The following NCKAP5 variants were observed in gnomAD, a reference collection of about 807,000 sequenced individuals.
The protein encoded by NCKAP5 is nck-associated protein 5.
A neutral mutation model predicts 167.0 loss-of-function variants in NCKAP5; 92 were observed. That is an observed-to-expected ratio of 0.55 (90% CI 0.47 to 0.66). The LOEUF is 0.66. NCKAP5 is among the 30% of genes least tolerant of loss of function. NCKAP5 has a pLI of 0.00. For synonymous variants in NCKAP5, 891 were observed against 877.4 expected (o/e 1.02, Z -0.27); for missense variants, 2,378 against 2,315.0 (o/e 1.03, Z -0.56).
At chr2:133,423,184 A>G (rs928717916) in intron 3 of NCKAP5, among the ~76,000 whole-genome samples, 3 of 152,190 alleles carry the variant, frequency 2.0e-5, no homozygotes, top group African/African-American at 7.2e-5. Context: ...ATTTTACTAC[A>G]AGGTATTTAG....
intron 19 of NCKAP5, among the ~76,000 whole-genome samples, chr2:132,674,255 T>A (rs1237195510): frequency 6.6e-6 from 1 of 152,186 alleles, no homozygotes; most frequent in Non-Finnish European, 1.5e-5. Context: ...AAGCATCCAC[T>A]AGGTAAAAGA....
intron 19 of NCKAP5, among the ~76,000 whole-genome samples, chr2:132,717,857 A>T (rs1321073149): frequency 6.6e-6 from 1 of 152,194 alleles, no homozygotes; most frequent in Non-Finnish European, 1.5e-5. Context: ...AAAGCTTTGC[A>T]TATTTTACCT....
chr2:132,794,759 C>T (rs915920431), intron 12 of NCKAP5, among the ~76,000 whole-genome samples: 4 of 151,922 alleles, frequency 2.6e-5, no homozygotes, highest in African/African-American at 7.3e-5. Flanking sequence ...TTTTACACTT[C>T]CTGATATCCT....
intron 8 of NCKAP5, among the ~76,000 whole-genome samples, chr2:132,919,709 A>G (rs1184606201): frequency 6.6e-6 from 1 of 152,186 alleles, no homozygotes; most frequent in Non-Finnish European, 1.5e-5. Context: ...AAGCAAAAAA[A>G]GAAAAAAATG....
rs1683484338 is a variant in NCKAP5 at position 132,785,440 on chromosome 2, C to A, written c.1371G>T (p.Leu457=). The A allele has an allele frequency of 6.2e-7, 1 of 1,613,672 alleles. No homozygotes were observed. The highest frequency in any genetic ancestry group is 1.3e-5 in the African/African-American group (1 of 74,918). The part of the protein sequence containing the change: ...KEYPPCKTAD[L]GSPCKEPHKT... Reference sequence around the variant, plus strand: ...TGTGGGGTTCCTTGCAGGGGCTCCCCAGGTCAGCTGTTTTGCAGGGGGGAT... The same window carrying A: ...TGTGGGGTTCCTTGCAGGGGCTCCCAAGGTCAGCTGTTTTGCAGGGGGGAT... The change falls in exon 14 of 20, where the codon CTG becomes CTT. Residue 457 remains leucine (L), a synonymous_variant. Coordinates refer to ENST00000409261, the MANE Select transcript of NCKAP5 (RefSeq NM_207363.3).
At chr2:133,473,842 A>G (rs1559511470) in intron 3 of NCKAP5, among the ~76,000 whole-genome samples, 1 of 152,296 alleles carries the variant, frequency 6.6e-6, no homozygotes, top group East Asian at 1.9e-4. Context: ...GTTACTACAG[A>G]GCTACAAATT....
chr2:133,031,355 G>A (rs2078873141), intron 6 of NCKAP5, among the ~76,000 whole-genome samples: 1 of 152,130 alleles, frequency 6.6e-6, no homozygotes, highest in South Asian at 2.1e-4. Flanking sequence ...AGAGCAGAAA[G>A]GAAAACCGGA....
At chr2:133,584,352 G>A in the NCKAP5 span, among the ~76,000 whole-genome samples, 1 of 152,354 alleles carries the variant, frequency 6.6e-6, no homozygotes, top group East Asian at 1.9e-4. Context: ...TGTATCCTGA[G>A]AGGCAGTGCC....
At chr2:133,135,209 C>A (rs2082746705) in intron 5 of NCKAP5, among the ~76,000 whole-genome samples, 1 of 152,200 alleles carries the variant, frequency 6.6e-6, no homozygotes, top group South Asian at 2.1e-4. Flanking sequence ...CAGGGAAAGG[C>A]CTCTGAGGAA....
At chr2:133,189,712 AG>A (rs1411747820) in intron 5 of NCKAP5, among the ~76,000 whole-genome samples, 1 of 152,174 alleles carries the variant, frequency 6.6e-6, no homozygotes, top group South Asian at 2.1e-4. Flanking sequence ...GATGCAGAAA[AG>A]GCCTTTGACA....
At chr2:133,296,535 G>A (rs1679973343) in intron 4 of NCKAP5, among the ~76,000 whole-genome samples, 1 of 152,114 alleles carries the variant, frequency 6.6e-6, no homozygotes, top group African/African-American at 2.4e-5. Context: ...TCTACTCATA[G>A]GTTCTTTGAA....
At chr2:133,235,736 C>G (rs945332859) in intron 4 of NCKAP5, among the ~76,000 whole-genome samples, 1 of 151,906 alleles carries the variant, frequency 6.6e-6, no homozygotes, top group Non-Finnish European at 1.5e-5. Flanking sequence ...GGAACCCCAT[C>G]AGTACTAAAA....
At chr2:132,991,578 C>A (rs992748879) in intron 7 of NCKAP5, among the ~76,000 whole-genome samples, 1 of 152,170 alleles carries the variant, frequency 6.6e-6, no homozygotes, top group African/African-American at 2.4e-5. Context: ...TTAATGCATG[C>A]AAAGCAATTA....
intron 3 of NCKAP5, among the ~76,000 whole-genome samples, chr2:133,470,510 A>T (rs1465288834): frequency 1.3e-5 from 2 of 152,340 alleles, no homozygotes; most frequent in Middle Eastern, 3.4e-3. Context: ...AGAGGCAGGC[A>T]GGCCTCCTTG....
At chr2:133,500,862 G>C (rs1311484962) in intron 3 of NCKAP5, among the ~76,000 whole-genome samples, 11 of 152,116 alleles carry the variant, frequency 7.2e-5, no homozygotes, top group Admixed American at 5.2e-4. Flanking sequence ...TTCCATCATA[G>C]ACATTTCCAT....
intron 3 of NCKAP5, among the ~76,000 whole-genome samples, chr2:133,375,797 G>A (rs78977721): frequency 0.07 from 10,667 of 152,274 alleles, 473 homozygotes; most frequent in East Asian, 0.19. Context: ...TGGCTGCATA[G>A]TATTCCACGG....
At chr2:133,626,088 G>C in the NCKAP5 span, among the ~76,000 whole-genome samples, 1 of 152,148 alleles carries the variant, frequency 6.6e-6, no homozygotes, top group African/African-American at 2.4e-5. Context: ...CAGTGAATGA[G>C]AGAAAGCCTC....
chr2:133,607,127 T>G, the NCKAP5 span, among the ~76,000 whole-genome samples: 1 of 152,354 alleles, frequency 6.6e-6, no homozygotes, highest in East Asian at 1.9e-4. Context: ...ATTACATCAG[T>G]ATGTGTACCA....
At chr2:133,666,604 T>G in the NCKAP5 span, among the ~76,000 whole-genome samples, 1 of 152,104 alleles carries the variant, frequency 6.6e-6, no homozygotes, top group Non-Finnish European at 1.5e-5. Context: ...TAGTTTTTTA[T>G]GTTTTACCAT....
Sources: gnomAD v4.1 joint callset for allele counts (sites outside exome capture counted in the v4.1 genomes callset) on GRCh38, gnomAD v4.1.1 for gene constraint, MANE v1.5 for transcripts, NCBI Gene and HGNC (gene_info 2026-07-23, HGNC 2026-07-21) for gene names.